The following DTWD2 variants were observed in gnomAD, a reference collection of about 807,000 sequenced individuals.
DTWD2 encodes the protein DTW motif tRNA-uridine aminocarboxypropyltransferase 2.
In DTWD2, 39 loss-of-function variants were observed where a neutral mutation model predicts 31.8. That is an observed-to-expected ratio of 1.22 (90% CI 0.95 to 1.60). The LOEUF (loss-of-function observed/expected upper bound fraction) is 1.60, where lower values mean the gene tolerates loss of function less well. Among genes scored for constraint, DTWD2 ranks in the 40% most tolerant of loss-of-function variants. The pLI is 0.00. For synonymous variants in DTWD2, 180 were observed against 142.8 expected (o/e 1.26, Z -1.86); for missense variants, 515 against 381.5 (o/e 1.35, Z -2.92).
chr5:118,965,158 G>T (rs1045142691), intron 1 of DTWD2, among the ~76,000 whole-genome samples: 2 of 148,656 alleles, frequency 1.3e-5, no homozygotes, highest in Non-Finnish European at 3.0e-5. Flanking sequence ...GAGCCCCTCC[G>T]CCCGGCAGCT....
At chr5:118,925,588 G>A (rs1401366332) in intron 4 of DTWD2, among the ~76,000 whole-genome samples, 1 of 152,212 alleles carries the variant, frequency 6.6e-6, no homozygotes, top group Non-Finnish European at 1.5e-5. Context: ...GCTCATGCCT[G>A]TAATTCCAGC....
At chr5:118,856,086 C>G (rs894394836) in intron 4 of DTWD2, among the ~76,000 whole-genome samples, 3 of 152,242 alleles carry the variant, frequency 2.0e-5, no homozygotes, top group Admixed American at 6.5e-5. Flanking sequence ...AATCAAGATC[C>G]ATCCAAGTTC....
At chr5:118,849,075 A>C (rs1010028397) in intron 4 of DTWD2, among the ~76,000 whole-genome samples, 6 of 152,364 alleles carry the variant, frequency 3.9e-5, no homozygotes, top group African/African-American at 1.2e-4. Flanking sequence ...AACTATCATC[A>C]GAGTGAACAG....
chr5:118,875,227 C>T (rs1279946856), intron 4 of DTWD2, among the ~76,000 whole-genome samples: 1 of 152,056 alleles, frequency 6.6e-6, no homozygotes, highest in Admixed American at 6.6e-5. Context: ...AAAGGAAAGA[C>T]CACTACAGCC....
intron 1 of DTWD2, among the ~76,000 whole-genome samples, chr5:118,982,066 T>C (rs996194690): frequency 3.9e-5 from 6 of 152,204 alleles, no homozygotes; most frequent in African/African-American, 1.4e-4. Context: ...AATAACACTA[T>C]TTAAATAGTA....
At position 118,840,802 on chromosome 5, in the gene DTWD2, G is replaced by T; in HGVS notation, c.*115C>A. The T allele has an allele frequency of 9.5e-7, 1 of 1,054,526 alleles. No homozygotes were observed. Among genetic ancestry groups the T allele is most frequent in the Non-Finnish European group, 1.3e-6 (1 of 782,736 alleles). 65.3% of individuals were successfully genotyped at this position (1,054,526 alleles called of 1,614,324 possible). A position where few individuals can be genotyped will look rare whatever the true frequency, so the allele number is the denominator to read the frequency against. ...TACTTCCTTCTTCTGGGTAAGATTA[G>T]TATGCAATTCTCCTTCTTTAGCAAG... On this transcript the variant is annotated 3_prime_UTR_variant, in exon 6 of 6. Coordinates refer to ENST00000510708, the MANE Select transcript of DTWD2 (RefSeq NM_173666.4).
chr5:118,844,785 G>A (rs938590163), intron 5 of DTWD2, among the ~76,000 whole-genome samples: 1 of 152,194 alleles, frequency 6.6e-6, no homozygotes, highest in African/African-American at 2.4e-5. Context: ...GCTATTCTGT[G>A]CCAAGTTCTT....
intron 5 of DTWD2, among the ~76,000 whole-genome samples, chr5:118,842,171 T>G (rs1041590533): frequency 7.2e-5 from 11 of 152,202 alleles, no homozygotes; most frequent in Admixed American, 2.6e-4. Context: ...AAATTAAATT[T>G]ATTTATTGTG....
chr5:118,936,313 A>T (rs917558821), intron 3 of DTWD2, among the ~76,000 whole-genome samples: 4 of 152,106 alleles, frequency 2.6e-5, no homozygotes, highest in Non-Finnish European at 4.4e-5. Context: ...CAAAGGGGGT[A>T]AGATACTTTG....
Position 118,974,168 on chromosome 5 carries a change from T to C in DTWD2, c.218+14126A>G. On this transcript the variant is annotated intron_variant, in intron 1 of 5. Transcript: ENST00000510708. ...GTTAAACTAAAAAAAAAGGCCGCCT[T>C]GACCTATTCACCCTCCACTTCCCGT... The C allele has an allele frequency of 2.0e-6, 3 of 1,496,450 alleles. No homozygotes were observed. The South Asian group carries it at 3.6e-5, about 18-fold the overall frequency. The allele number at this position is 1,496,450 out of a possible 1,614,324, so 92.7% of individuals were successfully genotyped here. A position where few individuals can be genotyped will look rare whatever the true frequency, so the allele number is the denominator to read the frequency against.
chr5:118,913,352 T>C (rs1160891749), intron 4 of DTWD2, among the ~76,000 whole-genome samples: 2 of 150,236 alleles, frequency 1.3e-5, no homozygotes. Context: ...TGGTATACTC[T>C]GCAAATTTTG....
chr5:118,860,711 G>C lies in DTWD2; in HGVS notation c.598-12493C>G, dbSNP rs1752240829. ...GGACTTTTGACAATCTGTTAGGTCA[G>C]AAATGGTATCTCAGTATAATTTTAA... On this transcript the variant is annotated intron_variant, in intron 4 of 5. Transcript: ENST00000510708. Among the ~76,000 whole-genome samples, 3 of 152,136 alleles carry C rather than the reference G, an allele frequency of 2.0e-5. No individual in the cohort carries two copies. The South Asian group carries it at 6.2e-4, about 31-fold the overall frequency.
At chr5:118,984,577 T>G (rs533592852) in intron 1 of DTWD2, among the ~76,000 whole-genome samples, 5 of 152,068 alleles carry the variant, frequency 3.3e-5, no homozygotes, top group Admixed American at 6.5e-5. Context: ...GTTTAGTAAA[T>G]GGGTGTTAAA....
At chr5:118,910,189 T>A (rs1461773482) in intron 4 of DTWD2, among the ~76,000 whole-genome samples, 1 of 152,240 alleles carries the variant, frequency 6.6e-6, no homozygotes, top group East Asian at 1.9e-4. Context: ...CTTTTGATTA[T>A]AAATTCCATC....
chr5:118,960,748 T>TAA (rs147032865), intron 1 of DTWD2, among the ~76,000 whole-genome samples: 8,593 of 150,672 alleles, frequency 0.057, 315 homozygotes, highest in Non-Finnish European at 0.087. Context: ...TATGCAGCCA[T>TAA]AAAAAAAAAC....
chr5:118,847,656 A>G (rs2112674575), intron 5 of DTWD2, among the ~76,000 whole-genome samples: 1 of 152,112 alleles, frequency 6.6e-6, no homozygotes, highest in Non-Finnish European at 1.5e-5. Context: ...AAGCAAGGTT[A>G]ACACGAGAAA....
intron 3 of DTWD2, among the ~76,000 whole-genome samples, chr5:118,936,274 T>C (rs1403792713): frequency 6.6e-6 from 1 of 152,154 alleles, no homozygotes; most frequent in Non-Finnish European, 1.5e-5. Context: ...ATCGTGGCTC[T>C]CACTTGTAAT....
intron 4 of DTWD2, among the ~76,000 whole-genome samples, chr5:118,912,967 C>T (rs960909853): frequency 4.6e-5 from 7 of 152,112 alleles, no homozygotes; most frequent in Admixed American, 1.3e-4. Flanking sequence ...TGATCCACAA[C>T]GAAAGTCAAC....
chr5:118,890,399 T>C (rs1458989967), intron 4 of DTWD2, among the ~76,000 whole-genome samples: 3 of 152,110 alleles, frequency 2.0e-5, no homozygotes, highest in African/African-American at 7.2e-5. Context: ...CACGTACCTT[T>C]GAAAACAAGT....
Sources: gnomAD v4.1 joint callset for allele counts (sites outside exome capture counted in the v4.1 genomes callset) on GRCh38, gnomAD v4.1.1 for gene constraint, MANE v1.5 for transcripts, NCBI Gene and HGNC (gene_info 2026-07-23, HGNC 2026-07-21) for gene names.